The following CCAR2 variants were observed in gnomAD, a reference collection of about 807,000 sequenced individuals.
CCAR2 encodes the protein cell cycle and apoptosis regulator 2, also known as cell cycle and apoptosis regulator protein 2.
A neutral mutation model predicts 108.1 loss-of-function variants in CCAR2; 21 were observed. The ratio of observed to expected loss-of-function variants is 0.19; its 90% CI spans 0.14 to 0.28. The LOEUF is 0.28. CCAR2 is among the 10% of genes least tolerant of loss of function. CCAR2 has a pLI of 1.00. For synonymous variants in CCAR2, 577 were observed against 472.8 expected, an observed-to-expected ratio of 1.22 and a Z score of -2.86; for missense variants, 1,126 against 1,177.0, an observed-to-expected ratio of 0.96 and a Z score of 0.63.
chr8:22,618,292 G>T (rs570707255), intron 16 of CCAR2, 57 bp from the exon 17 acceptor site: 2 of 1,609,744 alleles, frequency 1.2e-6, no homozygotes, highest in African/African-American at 1.3e-5. Context: ...AATCCTGGGC[G>T]ATAGAGCCAC....
In CCAR2 at chr8:22,619,008, G is replaced by A; in HGVS notation, c.2514G>A (p.Leu838=). Reference sequence around the variant, plus strand: ...AGAACAAGATCCACACACTGGAGCTGAAGCTGGGTGAGGGCCTGGGGCTGC... The same window carrying A: ...AGAACAAGATCCACACACTGGAGCTAAAGCTGGGTGAGGGCCTGGGGCTGC... ...YLENKIHTLE[L]KLEESHNRFS... The change falls in exon 19 of 21, where the codon CTG becomes CTA. Residue 838 remains leucine, a synonymous_variant. Transcript: ENST00000308511. 6.2e-7 allele frequency: 1 copy of A among 1,612,996 alleles called. No individual in the cohort carries two copies. Among genetic ancestry groups the A allele is most frequent in the Non-Finnish European group, 8.5e-7 (1 of 1,179,792 alleles).
At chr8:22,605,483 C>A in intron 1 of CCAR2, 1 of 388,842 alleles carries the variant, frequency 2.6e-6, no homozygotes, top group Non-Finnish European at 4.7e-6. Context: ...TCTCTCTGAG[C>A]ATCAGTTTCC....
In CCAR2 at chr8:22,607,117, G is replaced by C. The variant is rs1801107277; in HGVS notation, c.358-79G>C. 14 of 1,608,408 alleles carry C rather than the reference G, an allele frequency of 8.7e-6. No homozygotes were observed. The Admixed American group carries it at 2.0e-4, about 23-fold the overall frequency. ...GGGCAAAACCCTGACTTTTGTCAGG[G>C]GGGTGGGACTGCATCTTTCCAAGGT... On this transcript the variant is annotated intron_variant, in intron 5 of 20. Transcript: ENST00000308511.
rs578038237 is a variant in CCAR2 at position 22,606,347 on chromosome 8, C to T, written c.150+171C>T. Among the ~76,000 whole-genome samples the T allele has an allele frequency of 3.0e-4, 45 of 152,266 alleles. No individual in the cohort carries two copies. In the South Asian group the frequency reaches 7.7e-3, roughly 26 times the overall value. On this transcript the variant is annotated intron_variant, in intron 3 of 20. Transcript: ENST00000308511. Reference sequence around the variant, plus strand: ...TTCAGACTGGGGCATCTTCATTTCTCGCTCCAGGGAAATCTTTAGCTTACG... The same window carrying T: ...TTCAGACTGGGGCATCTTCATTTCTTGCTCCAGGGAAATCTTTAGCTTACG...
chr8:22,610,350 A>G (rs758624173), intron 7 of CCAR2, among the ~76,000 whole-genome samples: 1 of 152,210 alleles, frequency 6.6e-6, no homozygotes. Context: ...CAATGTCTCC[A>G]TTGAGCTGCT....
chr8:22,605,863 C>G (rs1180937959), intron 2 of CCAR2, 32 bp downstream of exon 2: 1 of 1,604,134 alleles, frequency 6.2e-7, no homozygotes, highest in Non-Finnish European at 8.5e-7. Context: ...TGGCCTCATC[C>G]TGGGAAGTAT....
Position 22,606,089 on chromosome 8 carries a change from A to G in CCAR2, c.63A>G (p.Thr21=), listed in dbSNP as rs775107964. Residue 21 remains threonine, a synonymous_variant, in exon 3 of 21, where the codon ACA becomes ACG. Coordinates refer to ENST00000308511, the MANE Select transcript of CCAR2 (RefSeq NM_001393997.1). The stretch of plus-strand genomic sequence containing the variant: ...ATTGCTTCTCTTTCCCCATAGGCAC[A>G]GCTTCAACATCTCTTCTGGGCCCTC... ...PLPGGRNFSG[T]ASTSLLGPPP... 1 of 1,613,680 alleles carries G rather than the reference A, an allele frequency of 6.2e-7. No individual in the cohort carries two copies. Among genetic ancestry groups the G allele is most frequent in the Admixed American group, 1.7e-5 (1 of 60,016 alleles).
At chr8:22,616,341 C>A in intron 14 of CCAR2, 93 bp downstream of exon 14, 2 of 1,148,146 alleles carry the variant, frequency 1.7e-6, no homozygotes, top group Non-Finnish European at 2.6e-6. Context: ...TGTGCCTTAG[C>A]TCATTCCCTG....
intron 6 of CCAR2, among the ~76,000 whole-genome samples, chr8:22,607,738 C>T (rs1375237948): frequency 6.6e-6 from 1 of 152,138 alleles, no homozygotes; most frequent in Non-Finnish European, 1.5e-5. Context: ...CATTCTCCTG[C>T]CTCAGCCTCC....
chr8:22,606,052 C>T, intron 2 of CCAR2, 33 bp from the exon 3 acceptor site: 5 of 1,570,046 alleles, frequency 3.2e-6, no homozygotes, highest in African/African-American at 1.3e-5. Flanking sequence ...GTGGTAGGGG[C>T]GGTTCCTGGA....
intron 18 of CCAR2, 49 bp downstream of exon 18, chr8:22,618,777 T>C (rs1801627594): frequency 2.5e-6 from 4 of 1,613,374 alleles, no homozygotes; most frequent in South Asian, 1.1e-5. Context: ...CAGGGCAGGC[T>C]GCCCTCTCTG....
At chr8:22,616,397 A>G in intron 14 of CCAR2, 149 bp downstream of exon 14, 1 of 708,934 alleles carries the variant, frequency 1.4e-6, no homozygotes, top group Non-Finnish European at 2.4e-6. Context: ...AGTAAGTAGC[A>G]CACCTAGTGC....
In CCAR2 at chr8:22,605,595, C is replaced by G. The variant is rs370829911; in HGVS notation, c.-38-141C>G. The G allele has an allele frequency of 9.8e-6, 6 of 611,616 alleles. No homozygotes were observed. In the East Asian group the frequency reaches 1.1e-4, roughly 11 times the overall value. The allele number at this position is 611,616 out of a possible 1,614,324, so 37.9% of individuals were successfully genotyped here. ...GTTTCATTTCTTTCTTCTCTATATTCTCTCCATCCATTGCTTTCATTCATT... is the reference window on the plus strand; with the variant it reads ...GTTTCATTTCTTTCTTCTCTATATTGTCTCCATCCATTGCTTTCATTCATT... On this transcript the variant is annotated intron_variant, in intron 1 of 20. Transcript: ENST00000308511.
intron 3 of CCAR2, among the ~76,000 whole-genome samples, 180 bp downstream of exon 3, chr8:22,606,356 G>A (rs1293444440): frequency 6.6e-6 from 1 of 152,190 alleles, no homozygotes; most frequent in Non-Finnish European, 1.5e-5. Flanking sequence ...TCGCTCCAGG[G>A]AAATCTTTAG....
In CCAR2 at chr8:22,606,215, G is replaced by A. The variant is rs148014940; in HGVS notation, c.150+39G>A. 1.9e-4 allele frequency: 279 copies of A among 1,464,714 alleles called. No individual in the cohort carries two copies. The African/African-American group carries it at 3.6e-3, about 19-fold the overall frequency. 90.7% of individuals were successfully genotyped at this position (1,464,714 alleles called of 1,614,324 possible). A position where few individuals can be genotyped will look rare whatever the true frequency, so the allele number is the denominator to read the frequency against. On this transcript the variant is annotated intron_variant, in intron 3 of 20. Transcript: ENST00000308511. The stretch of plus-strand genomic sequence containing the variant: ...CCCTTGTAGTAAGTTTCAGCCCTTG[G>A]GACTGAATGCATGGAGGCCTGGTGC...
At chr8:22,604,926 G>C (rs1801004907) in intron 1 of CCAR2, 84 bp downstream of exon 1, 1 of 365,392 alleles carries the variant, frequency 2.7e-6, no homozygotes, top group Non-Finnish European at 5.3e-6. Context: ...GGGCCGGGCG[G>C]CGAAGATGCG....
At chr8:22,619,056 G>A in intron 19 of CCAR2, 41 bp downstream of exon 19, 1 of 1,604,674 alleles carries the variant, frequency 6.2e-7, no homozygotes, top group East Asian at 2.2e-5. Context: ...GTCACATGCA[G>A]ACCAGTAGGG....
chr8:22,612,874 C>T (rs1801344813), intron 7 of CCAR2, 143 bp from the exon 8 acceptor site: 1 of 858,510 alleles, frequency 1.2e-6, no homozygotes, highest in Non-Finnish European at 1.8e-6. Context: ...TTATAACATT[C>T]TGTCATATGG....
intron 7 of CCAR2, among the ~76,000 whole-genome samples, chr8:22,608,482 C>G (rs1801162913): frequency 1.3e-5 from 2 of 152,158 alleles, no homozygotes; most frequent in East Asian, 1.9e-4. Context: ...TTATAGACAC[C>G]ATACTCATCA....
Sources: allele counts gnomAD v4.1 joint callset (sites outside exome capture counted in the v4.1 genomes callset), GRCh38; gene constraint gnomAD v4.1.1; transcripts MANE v1.5; gene names NCBI Gene and HGNC (gene_info 2026-07-23, HGNC 2026-07-21).